The following RNF6 variants were observed in gnomAD, a reference collection of about 807,000 sequenced individuals.
RNF6 encodes the protein ring finger protein 6, also known as E3 ubiquitin-protein ligase RNF6.
In RNF6, 21 loss-of-function variants were observed where a neutral mutation model predicts 50.1. That is an observed-to-expected ratio of 0.42 (90% CI 0.30 to 0.60). The LOEUF (loss-of-function observed/expected upper bound fraction) is 0.60. Ranked by LOEUF, RNF6 falls within the 20% of genes least tolerant of loss-of-function variation. The pLI, the probability that RNF6 is intolerant of heterozygous loss-of-function variation, is 0.20. For missense variants in RNF6, 698 were observed against 838.2 expected (o/e 0.83, Z 2.07); for synonymous variants, 255 against 291.8 (o/e 0.87, Z 1.29).
chr13:26,174,340 A>G (rs554604394), intron 5 of RNF6, among the ~76,000 whole-genome samples: 1 of 152,200 alleles, frequency 6.6e-6, no homozygotes, highest in South Asian at 2.1e-4. Context: ...GGGCAGCTGC[A>G]ATACGTAAAG....
intron 5 of RNF6, among the ~76,000 whole-genome samples, chr13:26,203,045 G>A (rs955053441): frequency 1.3e-5 from 2 of 152,270 alleles, no homozygotes; most frequent in East Asian, 1.9e-4. Context: ...AAAAACAGAC[G>A]ACCAGAAAAT....
chr13:26,175,411 G>A lies in RNF6; in HGVS notation n.768+40063C>T, dbSNP rs183822381. Among the ~76,000 whole-genome samples the A allele has an allele frequency of 1.8e-3, 280 of 152,180 alleles. 1 individual carries two copies. The highest frequency in any genetic ancestry group is 6.2e-3 in the African/African-American group (256 of 41,550). ...TGATTTTTGAGAGGACACCTGACGC[G>A]AAGAGTAAGAAACTTTCCTCTCCAG... On this transcript the variant is annotated intron_variant and non_coding_transcript_variant, in intron 5 of 5. Coordinates refer to the RNF6 transcript ENST00000468480.
downstream of RNF6, among the ~76,000 whole-genome samples, chr13:26,210,153 C>T (rs1869266388): frequency 6.6e-6 from 1 of 152,182 alleles, no homozygotes. Context: ...ATGAATCTGG[C>T]TTCCTGGGAA....
chr13:26,188,412 G>T (rs1873655328), intron 5 of RNF6, among the ~76,000 whole-genome samples: 1 of 152,080 alleles, frequency 6.6e-6, no homozygotes, highest in African/African-American at 2.4e-5. Context: ...TAGTCAAAAC[G>T]CACTGATCAC....
intron 5 of RNF6, among the ~76,000 whole-genome samples, chr13:26,205,048 G>A (rs535219252): frequency 1.8e-4 from 28 of 152,286 alleles, no homozygotes; most frequent in African/African-American, 5.8e-4. Flanking sequence ...CTGGAGCAAC[G>A]TGATAAATTG....
At chr13:26,148,619 AG>A (rs1176499801) in intron 5 of RNF6, among the ~76,000 whole-genome samples, 1 of 76,214 alleles carries the variant, frequency 1.3e-5, no homozygotes, top group Non-Finnish European at 2.5e-5. Flanking sequence ...TAGAAACAAT[AG>A]TATAAATCTC....
At chr13:26,152,881 G>A (rs1208830050) in intron 5 of RNF6, among the ~76,000 whole-genome samples, 6 of 152,034 alleles carry the variant, frequency 3.9e-5, no homozygotes, top group African/African-American at 9.7e-5. Context: ...GTGGCCGGGC[G>A]CGGTGGCTCA....
chr13:26,148,280 T>C (rs565512147), intron 5 of RNF6, among the ~76,000 whole-genome samples: 3 of 152,018 alleles, frequency 2.0e-5, no homozygotes, highest in Non-Finnish European at 4.4e-5. Flanking sequence ...CTTTGACACA[T>C]GGGGATTACA....
At chr13:26,198,649 A>G (rs1191221959) in intron 5 of RNF6, among the ~76,000 whole-genome samples, 1 of 151,980 alleles carries the variant, frequency 6.6e-6, no homozygotes, top group African/African-American at 2.4e-5. Flanking sequence ...GGTCCTAGAT[A>G]GTGTTAAAAA....
intron 5 of RNF6, among the ~76,000 whole-genome samples, chr13:26,154,690 A>G (rs1212106902): frequency 6.6e-6 from 1 of 152,232 alleles, no homozygotes; most frequent in Non-Finnish European, 1.5e-5. Context: ...TGTTAAGGCA[A>G]TAAGCAAGAC....
chr13:26,199,613 C>T (rs1868816244), intron 5 of RNF6, among the ~76,000 whole-genome samples: 1 of 151,996 alleles, frequency 6.6e-6, no homozygotes, highest in Admixed American at 6.6e-5. Flanking sequence ...GAGGATAAAA[C>T]ATATATCTAC....
intron 5 of RNF6, among the ~76,000 whole-genome samples, chr13:26,167,393 A>C (rs1356513577): frequency 6.6e-6 from 1 of 152,228 alleles, no homozygotes; most frequent in Non-Finnish European, 1.5e-5. Context: ...TGGTCAAAGG[A>C]CATGAATAGA....
At chr13:26,135,889 C>G (rs951979672) in intron 5 of RNF6, among the ~76,000 whole-genome samples, 1 of 152,122 alleles carries the variant, frequency 6.6e-6, no homozygotes, top group African/African-American at 2.4e-5. Context: ...CTCCCTCGCT[C>G]TCTTGCTTCC....
At chr13:26,222,355 G>A (rs1196326641), upstream of RNF6, 3 of 152,268 alleles carry the variant, frequency 2.0e-5, no homozygotes, top group African/African-American at 7.2e-5. Flanking sequence ...CTGGCGTCCC[G>A]CGTTCCGCCC....
chr13:26,220,197 A>G (rs1302708431), intron 2 of RNF6, among the ~76,000 whole-genome samples: 1 of 152,238 alleles, frequency 6.6e-6, no homozygotes, highest in Non-Finnish European at 1.5e-5. Flanking sequence ...ATTTAGCCTA[A>G]TTAATATCTA....
intron 5 of RNF6, among the ~76,000 whole-genome samples, chr13:26,196,511 T>C (rs1464925244): frequency 6.6e-6 from 1 of 151,798 alleles, no homozygotes; most frequent in African/African-American, 2.4e-5. Flanking sequence ...AATTAGCCAG[T>C]AATCCCAACT....
At chr13:26,163,307 G>A (rs1872304740) in intron 5 of RNF6, among the ~76,000 whole-genome samples, 1 of 148,344 alleles carries the variant, frequency 6.7e-6, no homozygotes, top group African/African-American at 2.5e-5. Flanking sequence ...GAGAGACTCC[G>A]TCTCAAAAAA....
chr13:26,137,558 T>C (rs1198823036), intron 5 of RNF6, among the ~76,000 whole-genome samples: 1 of 151,688 alleles, frequency 6.6e-6, no homozygotes, highest in Non-Finnish European at 1.5e-5. Context: ...TTATGTTGAG[T>C]ATCTTCAAAG....
intron 5 of RNF6, among the ~76,000 whole-genome samples, chr13:26,175,577 A>G (rs1872916511): frequency 6.6e-6 from 1 of 152,132 alleles, no homozygotes; most frequent in African/African-American, 2.4e-5. Context: ...CGTCCTGGTT[A>G]CCATCGCAGT....
Sources: allele counts gnomAD v4.1 joint callset (sites outside exome capture counted in the v4.1 genomes callset), GRCh38; gene constraint gnomAD v4.1.1; transcripts MANE v1.5; gene names NCBI Gene and HGNC (gene_info 2026-07-23, HGNC 2026-07-21).